Variants in CTNNA3 observed in about 807,000 individuals in gnomAD.
CTNNA3 encodes catenin alpha 3, also known as catenin alpha-3.
Under a neutral mutation model 95.7 loss-of-function variants are expected in CTNNA3, and 76 were observed. That is an observed-to-expected ratio of 0.79 (90% CI 0.66 to 0.96). The LOEUF (loss-of-function observed/expected upper bound fraction) is 0.96. Ranked by LOEUF, CTNNA3 falls within the 40% of genes least tolerant of loss-of-function variation. The pLI, the probability that CTNNA3 is intolerant of heterozygous loss-of-function variation, is 0.00. For missense variants in CTNNA3, 1,191 were observed against 1,089.8 expected, an observed-to-expected ratio of 1.09 and a Z score of -1.31; for synonymous variants, 431 against 374.4, an observed-to-expected ratio of 1.15 and a Z score of -1.74.
At chr10:67,064,251 T>G (rs1433771859) in intron 7 of CTNNA3, among the ~76,000 whole-genome samples, 1 of 152,142 alleles carries the variant, frequency 6.6e-6, no homozygotes. Context: ...TCTGAAGTCT[T>G]GGGTTACTGA....
chr10:66,007,501 G>A (rs181896734), intron 15 of CTNNA3, among the ~76,000 whole-genome samples: 10 of 152,150 alleles, frequency 6.6e-5, no homozygotes, highest in Admixed American at 3.3e-4. Flanking sequence ...ACCATAATAC[G>A]GTAGTTATTC....
intron 13 of CTNNA3, among the ~76,000 whole-genome samples, chr10:66,150,721 C>G (rs1312504804): frequency 1.3e-5 from 2 of 151,928 alleles, no homozygotes; most frequent in East Asian, 3.9e-4. Context: ...CTATTGAACA[C>G]TACTTATTCC....
At chr10:67,601,650 A>G (rs1843087376) in intron 3 of CTNNA3, among the ~76,000 whole-genome samples, 1 of 152,236 alleles carries the variant, frequency 6.6e-6, no homozygotes, top group Non-Finnish European at 1.5e-5. Flanking sequence ...TAGACATTAT[A>G]AACAACTCTT....
intron 7 of CTNNA3, among the ~76,000 whole-genome samples, chr10:66,968,594 A>G (rs2132814259): frequency 6.6e-6 from 1 of 152,182 alleles, no homozygotes; most frequent in Admixed American, 6.6e-5. Flanking sequence ...CAGTGCCTAA[A>G]ACAGCACCTA....
chr10:67,079,086 C>A (rs186524311), intron 7 of CTNNA3, among the ~76,000 whole-genome samples: 1 of 152,276 alleles, frequency 6.6e-6, no homozygotes, highest in African/African-American at 2.4e-5. Flanking sequence ...TTCATAATAT[C>A]TGGGAGGACC....
intron 7 of CTNNA3, among the ~76,000 whole-genome samples, chr10:67,031,963 A>G (rs147327115): frequency 0.012 from 1,850 of 152,296 alleles, 49 homozygotes; most frequent in African/African-American, 0.043. Flanking sequence ...TTTTAATCTC[A>G]GAATTCTAGA....
intron 15 of CTNNA3, among the ~76,000 whole-genome samples, chr10:66,041,136 C>T (rs2079678940): frequency 6.6e-6 from 1 of 152,062 alleles, no homozygotes; most frequent in African/African-American, 2.4e-5. Flanking sequence ...CTGTAGCATG[C>T]CTGCCAAAAA....
At chr10:67,445,293 A>G (rs1422844888) in intron 5 of CTNNA3, among the ~76,000 whole-genome samples, 5 of 152,106 alleles carry the variant, frequency 3.3e-5, no homozygotes, top group African/African-American at 2.4e-5. Flanking sequence ...ACAACCAGAA[A>G]ACAAATAACA....
intron 13 of CTNNA3, among the ~76,000 whole-genome samples, chr10:66,131,111 G>T (rs1031039597): frequency 6.7e-6 from 1 of 149,802 alleles, no homozygotes; most frequent in African/African-American, 2.5e-5. Context: ...TGGACCAGAC[G>T]GATTCATAGC....
intron 9 of CTNNA3, among the ~76,000 whole-genome samples, chr10:66,643,363 T>C (rs1456695010): frequency 1.3e-5 from 2 of 152,186 alleles, no homozygotes; most frequent in South Asian, 4.1e-4. Context: ...ACTGGAAGCA[T>C]GTTATTAATC....
chr10:66,069,487 AG>A lies in CTNNA3; in HGVS notation c.1979del (p.Ala660ValfsTer3), dbSNP rs757230971. On this transcript the variant is annotated frameshift_variant and splice_region_variant, in exon 15 of 18. Coordinates refer to ENST00000433211, the MANE Select transcript of CTNNA3 (RefSeq NM_013266.4). LOFTEE classifies it high-confidence loss of function. ...CTGCCTCAGGCAGTTGAGTCATCTT[AG>A]CCTAAAACATGTGATAATTAGAGTT... ...SIQTEGKTDRAKMTQLPEAEK... is the reference protein window; with the variant it reads ...SIQTEGKTDRXKMTQLPEAEK... 6 of 1,602,902 alleles carry A rather than the reference AG, an allele frequency of 3.7e-6. No individual in the cohort carries two copies. In the South Asian group the frequency reaches 6.7e-5, roughly 18 times the overall value.
intron 9 of CTNNA3, among the ~76,000 whole-genome samples, chr10:66,658,948 C>A (rs866774737): frequency 2.6e-5 from 4 of 152,102 alleles, no homozygotes; most frequent in Non-Finnish European, 5.9e-5. Flanking sequence ...TTCAGCTTCC[C>A]AAAATGTTGG....
intron 13 of CTNNA3, among the ~76,000 whole-genome samples, chr10:66,270,093 A>C (rs1290680995): frequency 6.6e-6 from 1 of 152,176 alleles, no homozygotes; most frequent in African/African-American, 2.4e-5. Context: ...TTGTAGTATA[A>C]AATTTAACAA....
chr10:67,462,540 A>G (rs765135927), intron 5 of CTNNA3, among the ~76,000 whole-genome samples: 63 of 152,192 alleles, frequency 4.1e-4, no homozygotes, highest in Non-Finnish European at 8.1e-4. Flanking sequence ...AGAAGCAGAA[A>G]GTTTAGTGTC....
intron 12 of CTNNA3, among the ~76,000 whole-genome samples, chr10:66,293,792 AGTAGCTGG>A (rs1403733549): frequency 1.3e-5 from 2 of 151,008 alleles, no homozygotes; most frequent in East Asian, 3.9e-4. Flanking sequence ...CAGCCTCCCG[AGTAGCTGG>A]GATTACAGGC....
In CTNNA3 at chr10:66,599,005, G is replaced by T. The variant is rs76751616; in HGVS notation, c.1374+22687C>A. 2.3e-3 allele frequency among the ~76,000 whole-genome samples: 352 copies of T among 151,122 alleles called. 5 individuals are homozygous for T. Among genetic ancestry groups the T allele is most frequent in the African/African-American group, 8.2e-3 (336 of 41,014 alleles). On this transcript the variant is annotated intron_variant, in intron 10 of 17. Transcript: ENST00000433211. ...CTGATTTTGAAATTATATCACAAAG[G>T]TATAGTAATCAAAACAATATGGTAC...
intron 9 of CTNNA3, among the ~76,000 whole-genome samples, chr10:66,672,921 A>C (rs1318849204): frequency 1.3e-5 from 2 of 152,138 alleles, no homozygotes; most frequent in Non-Finnish European, 1.5e-5. Flanking sequence ...TTAGGCTTAG[A>C]AGAAAATTTT....
chr10:67,213,926 T>G (rs1167601745), intron 6 of CTNNA3, among the ~76,000 whole-genome samples: 4 of 151,826 alleles, frequency 2.6e-5, no homozygotes, highest in Non-Finnish European at 4.4e-5. Context: ...ATTAGCATTT[T>G]TACTAGTATT....
chr10:67,362,452 T>A (rs1843023447), intron 5 of CTNNA3, among the ~76,000 whole-genome samples: 1 of 152,084 alleles, frequency 6.6e-6, no homozygotes. Flanking sequence ...ACTCCAATAA[T>A]GCAACAGTGA....
Sources: allele counts gnomAD v4.1 joint callset (sites outside exome capture counted in the v4.1 genomes callset), GRCh38; gene constraint gnomAD v4.1.1; transcripts MANE v1.5; gene names NCBI Gene and HGNC (gene_info 2026-07-23, HGNC 2026-07-21).